Variants in CERS6 observed in about 807,000 individuals in gnomAD.
CERS6 encodes the protein ceramide synthase 6, also known as LAG1 homolog, ceramide synthase 6.
In CERS6, 26 loss-of-function variants were observed where a neutral mutation model predicts 56.8. That is an observed-to-expected ratio of 0.46 (90% CI 0.34 to 0.63). CERS6 has a LOEUF of 0.63. Ranked by LOEUF, CERS6 falls within the 30% of genes least tolerant of loss-of-function variation. The pLI is 0.01. For synonymous variants in CERS6, 164 were observed against 173.3 expected, an observed-to-expected ratio of 0.95 and a Z score of 0.42; for missense variants, 415 against 467.5, an observed-to-expected ratio of 0.89 and a Z score of 1.04.
At chr2:168,721,935 C>G (rs1188865176) in intron 8 of CERS6, among the ~76,000 whole-genome samples, 1 of 152,182 alleles carries the variant, frequency 6.6e-6, no homozygotes, top group African/African-American at 2.4e-5. Context: ...CACTCTTTTA[C>G]AGAGTTGCAG....
In CERS6 at chr2:168,603,203, G is replaced by A. The variant is rs146040304; in HGVS notation, c.408-27782G>A. Among the ~76,000 whole-genome samples the A allele has an allele frequency of 5.1e-3, 770 of 152,296 alleles. 10 individuals are homozygous for A. The highest frequency in any genetic ancestry group is 0.017 in the African/African-American group (721 of 41,550). ...TTGTCATTTTGTAAAAAGAGAAGTG[G>A]TATATGCCCCAAGGCCTCATTGGTG... On this transcript the variant is annotated intron_variant, in intron 3 of 9. Coordinates refer to ENST00000305747, the MANE Select transcript of CERS6 (RefSeq NM_203463.3).
chr2:168,747,585 A>G (rs1365112639), intron 8 of CERS6, among the ~76,000 whole-genome samples: 2 of 152,124 alleles, frequency 1.3e-5, no homozygotes, highest in African/African-American at 4.8e-5. Flanking sequence ...TTCTATGAAG[A>G]TTTCAGCTAC....
chr2:168,535,924 T>C (rs2105365443), intron 1 of CERS6, among the ~76,000 whole-genome samples: 1 of 152,132 alleles, frequency 6.6e-6, no homozygotes, highest in African/African-American at 2.4e-5. Flanking sequence ...GTATGTTTAT[T>C]GATGTTTCCA....
chr2:168,486,561 C>T lies in CERS6; in HGVS notation c.170+29943C>T, dbSNP rs145540688. Among the ~76,000 whole-genome samples, 1,169 of 143,728 alleles carry T rather than the reference C, an allele frequency of 8.1e-3. 18 individuals carry two copies. Among genetic ancestry groups the T allele is most frequent in the African/African-American group, 0.028 (1,119 of 40,332 alleles). 94.3% of individuals were successfully genotyped at this position (143,728 alleles called of 152,430 possible). A position where few individuals can be genotyped will look rare whatever the true frequency, so the allele number is the denominator to read the frequency against. On this transcript the variant is annotated intron_variant, in intron 1 of 9. Coordinates refer to ENST00000305747, the MANE Select transcript of CERS6 (RefSeq NM_203463.3). ...TTTGCCTATGGCTGTTTAATTGTTC[C>T]GGAACCATTTGTTGAAAAGACAATC...
intron 5 of CERS6, among the ~76,000 whole-genome samples, chr2:168,692,134 A>G (rs1276454395): frequency 6.6e-6 from 1 of 152,194 alleles, no homozygotes; most frequent in Non-Finnish European, 1.5e-5. Flanking sequence ...AGAAAACACT[A>G]TAAATAAGCA....
chr2:168,768,083 T>A (rs1314106492), intron 9 of CERS6, among the ~76,000 whole-genome samples: 1 of 152,224 alleles, frequency 6.6e-6, no homozygotes, highest in Admixed American at 6.5e-5. Flanking sequence ...AACTACTTCC[T>A]TGCTAAATAG....
intron 3 of CERS6, among the ~76,000 whole-genome samples, chr2:168,601,105 G>A (rs924369387): frequency 2.0e-5 from 3 of 152,038 alleles, no homozygotes; most frequent in Non-Finnish European, 2.9e-5. Context: ...TTCAGCCTAC[G>A]CCCTGTGATT....
chr2:168,469,774 C>G (rs1213962924), intron 1 of CERS6, among the ~76,000 whole-genome samples: 2 of 152,140 alleles, frequency 1.3e-5, no homozygotes, highest in Non-Finnish European at 2.9e-5. Context: ...CCTACCCACC[C>G]CCACAACTGC....
intron 1 of CERS6, among the ~76,000 whole-genome samples, chr2:168,513,385 ATAC>A (rs1694829727): frequency 1.3e-5 from 2 of 152,214 alleles, no homozygotes; most frequent in Non-Finnish European, 2.9e-5. Flanking sequence ...CCCATTCAGA[ATAC>A]TACATTACAT....
At chr2:168,533,837 C>T (rs1385848102) in intron 1 of CERS6, among the ~76,000 whole-genome samples, 1 of 152,016 alleles carries the variant, frequency 6.6e-6, no homozygotes, top group African/African-American at 2.4e-5. Context: ...CTCCCCATGT[C>T]CTTCAGGTAG....
intron 6 of CERS6, among the ~76,000 whole-genome samples, chr2:168,696,306 C>T (rs551392346): frequency 3.4e-4 from 52 of 152,240 alleles, no homozygotes; most frequent in African/African-American, 1.0e-3. Flanking sequence ...TCAGCCAGGA[C>T]GTTTTCCTTT....
chr2:168,598,750 T>A (rs2105259902), intron 3 of CERS6, among the ~76,000 whole-genome samples: 1 of 152,368 alleles, frequency 6.6e-6, no homozygotes, highest in Admixed American at 6.5e-5. Context: ...AATCTTTTTT[T>A]AATCTTAATT....
At chr2:168,494,968 C>T (rs568120423) in intron 1 of CERS6, among the ~76,000 whole-genome samples, 6 of 152,234 alleles carry the variant, frequency 3.9e-5, no homozygotes, top group Admixed American at 3.3e-4. Flanking sequence ...GAACCTTGAA[C>T]ACACATTCTT....
intron 6 of CERS6, among the ~76,000 whole-genome samples, chr2:168,705,563 C>G (rs1019365658): frequency 6.6e-6 from 1 of 152,088 alleles, no homozygotes; most frequent in Non-Finnish European, 1.5e-5. Flanking sequence ...GTTCCCCAAA[C>G]CCCTCCTGAC....
At chr2:168,673,023 C>A (rs1685961169) in intron 4 of CERS6, among the ~76,000 whole-genome samples, 1 of 152,144 alleles carries the variant, frequency 6.6e-6, no homozygotes, top group Non-Finnish European at 1.5e-5. Flanking sequence ...ATTTGAAGGA[C>A]ATAGTTTGAC....
In CERS6 at chr2:168,522,979, T is replaced by C. The variant is rs531588686; in HGVS notation, c.171-24617T>C. Among the ~76,000 whole-genome samples, 16 of 152,372 alleles carry C rather than the reference T, an allele frequency of 1.1e-4. No homozygotes were observed. The South Asian group carries it at 2.7e-3, about 26-fold the overall frequency. ...ATCTGAATAAATAGTCAAACATTTA[T>C]TATGTGCCAGCAATGATACTATTGA... On this transcript the variant is annotated intron_variant, in intron 1 of 9. Coordinates refer to ENST00000305747, the MANE Select transcript of CERS6 (RefSeq NM_203463.3).
intron 1 of CERS6, among the ~76,000 whole-genome samples, chr2:168,508,606 C>G (rs904993160): frequency 6.6e-6 from 1 of 152,012 alleles, no homozygotes; most frequent in Admixed American, 6.6e-5. Flanking sequence ...CAAACTAACA[C>G]AGGAACAGAA....
chr2:168,557,260 G>A lies in CERS6; in HGVS notation c.277-3932G>A, dbSNP rs1226340323. Among the ~76,000 whole-genome samples the A allele has an allele frequency of 2.0e-5, 3 of 152,176 alleles. No individual in the cohort carries two copies. In the East Asian group the frequency reaches 5.8e-4, roughly 29 times the overall value. On this transcript the variant is annotated intron_variant, in intron 2 of 9. Transcript: ENST00000305747. The stretch of plus-strand genomic sequence containing the variant: ...GCTAGGAATAAACATAGCAAGGTAT[G>A]TGCAAGACCTGGATGAGGAAAGTTT...
chr2:168,518,551 C>T (rs1694923108), intron 1 of CERS6, among the ~76,000 whole-genome samples: 1 of 152,088 alleles, frequency 6.6e-6, no homozygotes, highest in Non-Finnish European at 1.5e-5. Context: ...CTCCTTCCTC[C>T]CACTCCCTAA....
Sources: allele counts gnomAD v4.1 joint callset (sites outside exome capture counted in the v4.1 genomes callset), GRCh38; gene constraint gnomAD v4.1.1; transcripts MANE v1.5; gene names NCBI Gene and HGNC (gene_info 2026-07-23, HGNC 2026-07-21).